CACNA2D3: variants seen among roughly 807,000 people sequenced by gnomAD.
CACNA2D3 encodes calcium voltage-gated channel auxiliary subunit alpha2delta 3.
Under a neutral mutation model 160.6 loss-of-function variants are expected in CACNA2D3, and 60 were observed. That is an observed-to-expected ratio of 0.37 (90% CI 0.30 to 0.46). The LOEUF (loss-of-function observed/expected upper bound fraction) is 0.46, where lower values mean the gene tolerates loss of function less well. Among genes scored for constraint, CACNA2D3 ranks in the 20% least tolerant of loss-of-function variants. CACNA2D3 has a pLI of 1.00. For synonymous variants in CACNA2D3, 558 were observed against 492.9 expected, an observed-to-expected ratio of 1.13 and a Z score of -1.75; for missense variants, 1,205 against 1,365.0, an observed-to-expected ratio of 0.88 and a Z score of 1.85.
chr3:54,968,582 G>A, intron 28 of CACNA2D3, 71 bp downstream of exon 28: 4 of 1,155,882 alleles, frequency 3.5e-6, no homozygotes, highest in Non-Finnish European at 5.1e-6. Flanking sequence ...TTGGGTACCT[G>A]GAGCCTGAAA....
At chr3:54,764,379 G>A (rs370148782) in intron 13 of CACNA2D3, 28 bp downstream of exon 13, 10 of 1,612,454 alleles carry the variant, frequency 6.2e-6, no homozygotes, top group Non-Finnish European at 8.5e-6. Flanking sequence ...TGGGAAAGAG[G>A]CTAAGCTTTA....
chr3:54,850,556 C>G (rs530865829), intron 17 of CACNA2D3, among the ~76,000 whole-genome samples: 3 of 150,990 alleles, frequency 2.0e-5, no homozygotes, highest in Admixed American at 6.6e-5. Context: ...TTTTGCCCAA[C>G]AGCGGATTGG....
intron 2 of CACNA2D3, among the ~76,000 whole-genome samples, chr3:54,269,161 G>A (rs974400207): frequency 1.1e-4 from 16 of 152,128 alleles, no homozygotes; most frequent in African/African-American, 3.1e-4. Context: ...GTGAGTGATC[G>A]GTACAGGTAC....
rs191612880 is a variant in CACNA2D3 at position 54,207,510 on chromosome 3, A to G, written c.204+83916A>G. Among the ~76,000 whole-genome samples, 1,013 of 152,144 alleles carry G rather than the reference A, an allele frequency of 6.7e-3. 29 individuals are homozygous for G. Among genetic ancestry groups the G allele is most frequent in the Middle Eastern group, 0.01 (3 of 294 alleles). On this transcript the variant is annotated intron_variant, in intron 2 of 37. Coordinates refer to ENST00000474759, the MANE Select transcript of CACNA2D3 (RefSeq NM_018398.3). ...ATTGGTAGGTATTTTTTCATGTTGTACCTGAGGCTTGGAGGGATACATTTC... is the reference window on the plus strand; with the variant it reads ...ATTGGTAGGTATTTTTTCATGTTGTGCCTGAGGCTTGGAGGGATACATTTC...
intron 2 of CACNA2D3, among the ~76,000 whole-genome samples, chr3:54,288,342 C>G (rs529677992): frequency 6.6e-6 from 1 of 152,066 alleles, no homozygotes; most frequent in East Asian, 1.9e-4. Flanking sequence ...ATAAATTCCT[C>G]GACACATACA....
intron 9 of CACNA2D3, among the ~76,000 whole-genome samples, chr3:54,614,773 T>C (rs961860453): frequency 2.6e-5 from 4 of 152,156 alleles, no homozygotes; most frequent in Non-Finnish European, 1.5e-5. Context: ...TATCAACTAC[T>C]GTATGGGGCC....
At chr3:54,199,444 A>G (rs1191355279) in intron 2 of CACNA2D3, among the ~76,000 whole-genome samples, 1 of 151,288 alleles carries the variant, frequency 6.6e-6, no homozygotes, top group Non-Finnish European at 1.5e-5. Context: ...GATCACTGCA[A>G]CCCCTACGTG....
intron 13 of CACNA2D3, among the ~76,000 whole-genome samples, chr3:54,811,662 T>A (rs1270532303): frequency 6.6e-6 from 1 of 151,922 alleles, no homozygotes; most frequent in Non-Finnish European, 1.5e-5. Flanking sequence ...CATGCCCAGC[T>A]AATTTTTTTT....
At chr3:55,061,124 C>T (rs1232009799) in intron 35 of CACNA2D3, among the ~76,000 whole-genome samples, 2 of 152,232 alleles carry the variant, frequency 1.3e-5, no homozygotes, top group Non-Finnish European at 2.9e-5. Flanking sequence ...GGGACACTGC[C>T]CTGCAGGCAA....
At position 54,591,984 on chromosome 3, in the gene CACNA2D3, G is replaced by A. The variant is rs138016596; in HGVS notation, c.963+10107G>A. Among the ~76,000 whole-genome samples, 30 of 152,092 alleles carry A rather than the reference G, an allele frequency of 2.0e-4. No homozygotes were observed. In the East Asian group the frequency reaches 3.7e-3, roughly 19 times the overall value. ...AAATACCCAAGATTCTTTCCTGCCC[G>A]TACCTTTCATCTTAGGACTGTTTTC... is the stretch of plus-strand genomic sequence containing the variant. On this transcript the variant is annotated intron_variant, in intron 9 of 37. Coordinates refer to ENST00000474759, the MANE Select transcript of CACNA2D3 (RefSeq NM_018398.3).
chr3:54,927,911 T>C (rs1268704778), intron 27 of CACNA2D3: 2 of 1,613,770 alleles, frequency 1.2e-6, no homozygotes, highest in Non-Finnish European at 1.7e-6. Flanking sequence ...TCACCTTTCA[T>C]GACTGAGTCT....
intron 6 of CACNA2D3, among the ~76,000 whole-genome samples, chr3:54,564,750 T>G (rs1702382286): frequency 6.6e-6 from 1 of 152,210 alleles, no homozygotes; most frequent in Admixed American, 6.5e-5. Context: ...AAAAGAGGTC[T>G]CTGCCCTCAT....
intron 23 of CACNA2D3, 58 bp downstream of exon 23, chr3:54,885,644 C>A: frequency 2.2e-6 from 3 of 1,370,710 alleles, no homozygotes; most frequent in East Asian, 2.4e-5. Context: ...GGAATGAACT[C>A]AAAACATTTT....
chr3:54,538,807 A>C (rs971636271), intron 5 of CACNA2D3, among the ~76,000 whole-genome samples: 2 of 152,120 alleles, frequency 1.3e-5, no homozygotes, highest in Non-Finnish European at 2.9e-5. Flanking sequence ...CATTTCTCTT[A>C]AGGGGGCGGG....
chr3:54,763,050 T>C (rs1369165476), intron 12 of CACNA2D3, among the ~76,000 whole-genome samples: 1 of 142,100 alleles, frequency 7.0e-6, no homozygotes, highest in Non-Finnish European at 1.5e-5. Context: ...ATTGCACCAC[T>C]GCACTCCAGC....
chr3:54,959,448 G>A (rs12491161), intron 27 of CACNA2D3, among the ~76,000 whole-genome samples: 61,263 of 152,036 alleles, frequency 0.4, 13,411 homozygotes, highest in East Asian at 0.56. Context: ...GGAGATTTTA[G>A]TGCTATTTTA....
At chr3:54,570,406 A>G (rs541063833) in intron 8 of CACNA2D3, among the ~76,000 whole-genome samples, 2 of 152,260 alleles carry the variant, frequency 1.3e-5, no homozygotes, top group South Asian at 2.1e-4. Context: ...AGATTCTTGG[A>G]AAACAGACTT....
At chr3:54,900,844 T>C (rs1037112114) in intron 27 of CACNA2D3, among the ~76,000 whole-genome samples, 3 of 152,148 alleles carry the variant, frequency 2.0e-5, no homozygotes, top group Admixed American at 1.3e-4. Context: ...ACTGCTTTTT[T>C]CCCCCCACTT....
chr3:54,650,987 A>G (rs951523895), intron 11 of CACNA2D3, among the ~76,000 whole-genome samples: 3 of 152,214 alleles, frequency 2.0e-5, no homozygotes, highest in Admixed American at 2.0e-4. Flanking sequence ...GAGGAAACTG[A>G]GGCATGAAGA....
Sources: gnomAD v4.1 joint callset for allele counts (sites outside exome capture counted in the v4.1 genomes callset) on GRCh38, gnomAD v4.1.1 for gene constraint, MANE v1.5 for transcripts, NCBI Gene and HGNC (gene_info 2026-07-23, HGNC 2026-07-21) for gene names.